Variants in N4BP2L2 observed in about 807,000 individuals in gnomAD.
N4BP2L2 encodes NEDD4 binding protein 2 like 2, also known as NEDD4-binding protein 2-like 2.
A neutral mutation model predicts 56.2 loss-of-function variants in N4BP2L2; 50 were observed. The observed-to-expected ratio is 0.89, with a 90% CI of 0.71 to 1.13. The LOEUF (loss-of-function observed/expected upper bound fraction) is 1.13. Ranked by LOEUF, N4BP2L2 falls within the 50% of genes most tolerant of loss-of-function variation. The probability of loss-of-function intolerance (pLI) is 0.00; values close to 1 mark genes in which losing one functional copy is unlikely to be tolerated. For synonymous variants in N4BP2L2, 203 were observed against 223.6 expected, an observed-to-expected ratio of 0.91 and a Z score of 0.82; for missense variants, 689 against 693.8, an observed-to-expected ratio of 0.99 and a Z score of 0.08.
At chr13:32,491,922 A>T (rs2087202130) in intron 6 of N4BP2L2, among the ~76,000 whole-genome samples, 1 of 151,838 alleles carries the variant, frequency 6.6e-6, no homozygotes, top group Non-Finnish European at 1.5e-5. Flanking sequence ...GAGCCACCGC[A>T]CCCGGCCGAA....
chr13:32,444,421 C>T (rs1172305948), intron 6 of N4BP2L2, among the ~76,000 whole-genome samples: 8 of 152,088 alleles, frequency 5.3e-5, no homozygotes, highest in Non-Finnish European at 1.2e-4. Context: ...CCCACCACCA[C>T]GCTTGTCTAA....
At chr13:32,451,133 C>T (rs2138474299) in intron 6 of N4BP2L2, among the ~76,000 whole-genome samples, 1 of 152,208 alleles carries the variant, frequency 6.6e-6, no homozygotes, top group South Asian at 2.1e-4. Flanking sequence ...GCAGAATAAA[C>T]TTCGAAAAAG....
At chr13:32,493,373 G>A (rs1016011376) in intron 6 of N4BP2L2, among the ~76,000 whole-genome samples, 11 of 151,824 alleles carry the variant, frequency 7.2e-5, no homozygotes, top group Non-Finnish European at 1.2e-4. Flanking sequence ...GACTCTCAGC[G>A]GTATAAAAAT....
intron 6 of N4BP2L2, among the ~76,000 whole-genome samples, chr13:32,502,920 C>A (rs563462027): frequency 9.2e-5 from 14 of 152,230 alleles, no homozygotes; most frequent in Non-Finnish European, 1.6e-4. Flanking sequence ...CACCTGTAAT[C>A]CAAACACTTT....
intron 6 of N4BP2L2, among the ~76,000 whole-genome samples, chr13:32,484,278 G>A (rs900840254): frequency 4.5e-4 from 69 of 152,278 alleles, no homozygotes; most frequent in African/African-American, 1.6e-3. Context: ...AGCGAGCCGA[G>A]ATCATGCCAC....
chr13:32,497,595 C>T (rs1447403915), intron 6 of N4BP2L2, among the ~76,000 whole-genome samples: 1 of 152,200 alleles, frequency 6.6e-6, no homozygotes, highest in African/African-American at 2.4e-5. Flanking sequence ...TAAGCTACAC[C>T]TGACCAAAGT....
At chr13:32,446,798 A>G (rs1227628302) in intron 6 of N4BP2L2, among the ~76,000 whole-genome samples, 1 of 152,226 alleles carries the variant, frequency 6.6e-6, no homozygotes, top group Non-Finnish European at 1.5e-5. Flanking sequence ...TGTTACACTT[A>G]TTATGTATTG....
chr13:32,536,441 G>C, exon 2 of N4BP2L2: 1 of 1,613,662 alleles, frequency 6.2e-7, no homozygotes, highest in East Asian at 2.2e-5. Flanking sequence ...AGAAGGTTCA[G>C]ATTCTTTACA....
intron 6 of N4BP2L2, among the ~76,000 whole-genome samples, chr13:32,474,597 G>A (rs1045196845): frequency 6.6e-6 from 1 of 152,124 alleles, no homozygotes; most frequent in Non-Finnish European, 1.5e-5. Flanking sequence ...GGAAGGCTGA[G>A]GCAGGAGAAT....
At position 32,538,604 on chromosome 13, in the gene N4BP2L2, G is replaced by A. The variant is rs991956393; in HGVS notation, c.-1+14C>T. The A allele has an allele frequency of 4.1e-6, 4 of 984,766 alleles. No individual in the cohort carries two copies. In the African/African-American group the frequency reaches 7.0e-5, roughly 17 times the overall value. The allele number at this position is 984,766 out of a possible 1,614,324, so 61.0% of individuals were successfully genotyped here. A position where few individuals can be genotyped will look rare whatever the true frequency, so the allele number is the denominator to read the frequency against. The stretch of plus-strand genomic sequence containing the variant: ...CACCGCCCCACCCTCACCTAAAACG[G>A]GGTGTCTACTCACCTTACTCTACCC... On this transcript the variant is annotated intron_variant, in intron 1 of 5. Coordinates refer to ENST00000267068, the Ensembl canonical transcript of N4BP2L2.
intron 1 of N4BP2L2, among the ~76,000 whole-genome samples, chr13:32,538,372 T>C (rs1036564121): frequency 1.4e-4 from 21 of 152,148 alleles, no homozygotes; most frequent in African/African-American, 4.6e-4. Flanking sequence ...ATCTATACAC[T>C]ATCCGAGCCC....
intron 6 of N4BP2L2, among the ~76,000 whole-genome samples, chr13:32,486,470 G>A (rs1003525370): frequency 2.0e-5 from 3 of 151,678 alleles, no homozygotes; most frequent in Admixed American, 1.3e-4. Flanking sequence ...GAGGTCGGGA[G>A]TTCAAGACCA....
chr13:32,494,546 G>A (rs1404571652), intron 6 of N4BP2L2, among the ~76,000 whole-genome samples: 2 of 151,950 alleles, frequency 1.3e-5, no homozygotes, highest in South Asian at 2.1e-4. Flanking sequence ...TGCAGATCAC[G>A]AGGTCAGGAG....
At chr13:32,518,890 T>G (rs1173191797) in intron 5 of N4BP2L2, among the ~76,000 whole-genome samples, 1 of 152,144 alleles carries the variant, frequency 6.6e-6, no homozygotes, top group Non-Finnish European at 1.5e-5. Flanking sequence ...GGTTTAAAAT[T>G]TATTCTGGAC....
At chr13:32,436,316 CTA>C in intron 9 of N4BP2L2, 1 of 899,748 alleles carries the variant, frequency 1.1e-6, no homozygotes, top group Non-Finnish European at 1.7e-6. Context: ...TCAAGATTAA[CTA>C]TTTTATGATC....
At chr13:32,464,461 A>C (rs920877292) in intron 6 of N4BP2L2, among the ~76,000 whole-genome samples, 1 of 152,202 alleles carries the variant, frequency 6.6e-6, no homozygotes, top group African/African-American at 2.4e-5. Context: ...AAGGCTCCTG[A>C]GTTGCTGTTG....
chr13:32,536,153 T>C, exon 2 of N4BP2L2: 4 of 1,613,986 alleles, frequency 2.5e-6, no homozygotes, highest in Non-Finnish European at 3.4e-6. Flanking sequence ...ACTGAATCTC[T>C]GAATGTTTAA....
chr13:32,500,571 A>G (rs392611), intron 6 of N4BP2L2, among the ~76,000 whole-genome samples: 87,308 of 139,388 alleles, frequency 0.63, 29,196 homozygotes, highest in Non-Finnish European at 0.75. Flanking sequence ...AAAAAAAAAT[A>G]GCCAGGCATG....
chr13:32,524,546 T>A (rs1256157506), intron 3 of N4BP2L2: 2 of 152,162 alleles, frequency 1.3e-5, no homozygotes, highest in Admixed American at 1.3e-4. Flanking sequence ...TTTGGAGATG[T>A]TTTCGATTTT....
Sources: allele counts gnomAD v4.1 joint callset (sites outside exome capture counted in the v4.1 genomes callset), GRCh38; gene constraint gnomAD v4.1.1; transcripts MANE v1.5; gene names NCBI Gene and HGNC (gene_info 2026-07-23, HGNC 2026-07-21).